The following USP6NL variants were observed in gnomAD, a reference collection of about 807,000 sequenced individuals.
USP6NL encodes USP6 N-terminal-like protein.
In USP6NL, 26 loss-of-function variants were observed where a neutral mutation model predicts 61.9. That is an observed-to-expected ratio of 0.42 (90% CI 0.31 to 0.58). The LOEUF is 0.58. Among genes scored for constraint, USP6NL ranks in the 20% least tolerant of loss-of-function variants. The pLI, the probability that USP6NL is intolerant of heterozygous loss-of-function variation, is 0.16. For missense variants in USP6NL, 1,114 were observed against 1,034.3 expected, an observed-to-expected ratio of 1.08 and a Z score of -1.06; for synonymous variants, 432 against 390.1, an observed-to-expected ratio of 1.11 and a Z score of -1.27.
At chr10:11,578,170 T>C (rs1650710931) in intron 2 of USP6NL, among the ~76,000 whole-genome samples, 1 of 151,884 alleles carries the variant, frequency 6.6e-6, no homozygotes, top group African/African-American at 2.4e-5. Context: ...GGTTTCACTA[T>C]GTTGCCGAGG....
intron 6 of USP6NL, among the ~76,000 whole-genome samples, chr10:11,502,056 A>G (rs1435333699): frequency 6.6e-6 from 1 of 152,122 alleles, no homozygotes; most frequent in Non-Finnish European, 1.5e-5. Context: ...CAGGAGATGG[A>G]GACCATCCTG....
intron 6 of USP6NL, among the ~76,000 whole-genome samples, chr10:11,508,917 G>A (rs1030496000): frequency 1.3e-5 from 2 of 152,200 alleles, no homozygotes; most frequent in African/African-American, 2.4e-5. Context: ...AACTGACACA[G>A]TATTTATTGC....
chr10:11,505,793 T>C (rs59499128), intron 6 of USP6NL, among the ~76,000 whole-genome samples: 16,835 of 152,140 alleles, frequency 0.11, 1,452 homozygotes, highest in East Asian at 0.43. Context: ...GTGAGTAAAC[T>C]TTTCAGCCCA....
In USP6NL at chr10:11,587,332, A is replaced by C. The variant is rs546506384; in HGVS notation, c.4+10299T>G. 1.1e-4 allele frequency among the ~76,000 whole-genome samples: 16 copies of C among 152,292 alleles called. No homozygotes were observed. Among genetic ancestry groups the C allele is most frequent in the African/African-American group, 3.6e-4 (15 of 41,556 alleles). On this transcript the variant is annotated intron_variant, in intron 2 of 14. Transcript: ENST00000609104. This position sits in a 1 kb window ranked among gnomAD's most constrained non-coding sequence, Gnocchi z 4.5. ...TTAATTTATAGTATCATGTGTCTCA[A>C]AGTTGTCTAACTTTGAATTTGAATT...
intron 4 of USP6NL, among the ~76,000 whole-genome samples, chr10:11,522,775 T>A (rs1835263634): frequency 6.6e-6 from 1 of 152,246 alleles, no homozygotes; most frequent in African/African-American, 2.4e-5. Context: ...TTTTCCCCCT[T>A]TAAATTTCTT....
At position 11,493,238 on chromosome 10, in the gene USP6NL, GA is replaced by G; in HGVS notation, c.385-11del. Reference sequence around the variant, plus strand: ...CTCTGTGTTTTAATTTCTGAAGAGAGAAAGAGAGAACAGAACAGATTTTTAT... The same window carrying G: ...CTCTGTGTTTTAATTTCTGAAGAGAGAAGAGAGAACAGAACAGATTTTTAT... On this transcript the variant is annotated splice_polypyrimidine_tract_variant and intron_variant, in intron 7 of 14. Coordinates refer to ENST00000609104, the MANE Select transcript of USP6NL (RefSeq NM_014688.5). The G allele has an allele frequency of 6.3e-7, 1 of 1,594,238 alleles. No homozygotes were observed. The highest frequency in any genetic ancestry group is 1.1e-5 in the South Asian group (1 of 88,082).
rs1156528265 is a variant in USP6NL, at chr10:11,482,208, T to C, written c.926-286A>G. Among the ~76,000 whole-genome samples, 1 of 152,156 alleles carries C rather than the reference T, an allele frequency of 6.6e-6. No homozygotes were observed. The highest frequency in any genetic ancestry group is 6.6e-5 in the Admixed American group (1 of 15,266). On this transcript the variant is annotated intron_variant, in intron 13 of 14. Coordinates refer to ENST00000609104, the MANE Select transcript of USP6NL (RefSeq NM_014688.5). This position sits in a 1 kb window ranked among gnomAD's most constrained non-coding sequence, Gnocchi z 4.0. ...AATAACCACACCTAGGCATTAGTAT[T>C]ACCCCAGAGCAAGAGCTTCTTAGAG...
intron 2 of USP6NL, among the ~76,000 whole-genome samples, chr10:11,571,892 A>T (rs1014662208): frequency 6.6e-6 from 1 of 151,068 alleles, no homozygotes; most frequent in African/African-American, 2.4e-5. Flanking sequence ...TGTCTGAAAA[A>T]TTTTAAACAA....
intron 6 of USP6NL, among the ~76,000 whole-genome samples, chr10:11,507,579 A>G (rs980259614): frequency 6.6e-6 from 1 of 152,228 alleles, no homozygotes; most frequent in Non-Finnish European, 1.5e-5. Flanking sequence ...TGTCAAAAAG[A>G]TTCCCATGGT....
chr10:11,582,876 C>T (rs910284582), intron 2 of USP6NL, among the ~76,000 whole-genome samples: 1 of 150,486 alleles, frequency 6.6e-6, no homozygotes, highest in East Asian at 1.9e-4. Flanking sequence ...ACTGACTGTA[C>T]AGAGTGTATT....
chr10:11,539,297 G>C (rs1835957601), intron 2 of USP6NL, among the ~76,000 whole-genome samples: 1 of 152,178 alleles, frequency 6.6e-6, no homozygotes, highest in Non-Finnish European at 1.5e-5. Context: ...AGGCTAATAA[G>C]CCCTTTTCAC....
chr10:11,610,462 G>A (rs1209177105), intron 1 of USP6NL, among the ~76,000 whole-genome samples: 1 of 152,124 alleles, frequency 6.6e-6, no homozygotes, highest in African/African-American at 2.4e-5. Flanking sequence ...AATATAGGAG[G>A]GAGTTGGCCA....
At chr10:11,573,822 A>G (rs1837445311) in intron 2 of USP6NL, 1 of 394,476 alleles carries the variant, frequency 2.5e-6, no homozygotes, top group Non-Finnish European at 4.5e-6. Flanking sequence ...CTAGCTATCC[A>G]TGAAGGCTCT....
rs1314851101 is a variant in USP6NL at position 11,484,974 on chromosome 10, T to G, written c.922A>C (p.Lys308Gln). Residue 308 changes from lysine (K) to glutamine (Q), a missense_variant, in exon 13 of 15, where the codon AAA becomes CAA. By Grantham distance (53) the Lys-to-Gln change is moderately conservative. Coordinates refer to ENST00000609104, the MANE Select transcript of USP6NL (RefSeq NM_014688.5). ...AAGAGTTTAAGCATTTTCTTACTTT[T>G]GTGTAATTTTAAGATGGTGTAAGAC... ...AMSYTILKLHKKHLMKLSMEE... is the reference protein window; with the variant it reads ...AMSYTILKLHQKHLMKLSMEE... 6.6e-7 allele frequency: 1 copy of G among 1,520,042 alleles called. No individual in the cohort carries two copies. The highest frequency in any genetic ancestry group is 8.8e-7 in the Non-Finnish European group (1 of 1,137,928). 94.2% of individuals were successfully genotyped at this position (1,520,042 alleles called of 1,614,324 possible). A position where few individuals can be genotyped will look rare whatever the true frequency, so the allele number is the denominator to read the frequency against.
At chr10:11,544,108 G>A (rs144252026) in intron 2 of USP6NL, among the ~76,000 whole-genome samples, 14 of 152,210 alleles carry the variant, frequency 9.2e-5, no homozygotes, top group African/African-American at 3.4e-4. Flanking sequence ...ACCATGCCCG[G>A]CCCAATATTT....
intron 2 of USP6NL, among the ~76,000 whole-genome samples, chr10:11,557,998 T>C (rs1294291602): frequency 1.3e-5 from 2 of 152,178 alleles, no homozygotes; most frequent in Admixed American, 6.5e-5. Flanking sequence ...AAGTATACAG[T>C]ATGACTGTCA....
chr10:11,497,185 G>A (rs1361693838), intron 7 of USP6NL, among the ~76,000 whole-genome samples: 1 of 149,968 alleles, frequency 6.7e-6, no homozygotes, highest in Non-Finnish European at 1.5e-5. Context: ...TGAGGTGGGG[G>A]GATCACAAGG....
chr10:11,582,380 C>T (rs576016067), intron 2 of USP6NL, among the ~76,000 whole-genome samples: 3 of 152,210 alleles, frequency 2.0e-5, no homozygotes, highest in East Asian at 1.9e-4. Flanking sequence ...GAATTACAGG[C>T]GTGAGCCACG....
chr10:11,466,460 A>G (rs906548387), intron 14 of USP6NL, among the ~76,000 whole-genome samples: 7 of 152,242 alleles, frequency 4.6e-5, no homozygotes, highest in Non-Finnish European at 8.8e-5. Flanking sequence ...TGAATCTGCC[A>G]CAATAAGCTG....
Sources: allele counts gnomAD v4.1 joint callset (sites outside exome capture counted in the v4.1 genomes callset), GRCh38; gene constraint gnomAD v4.1.1; non-coding constraint Gnocchi (gnomAD v3.1); transcripts MANE v1.5; gene names NCBI Gene and HGNC (gene_info 2026-07-23, HGNC 2026-07-21).